Variants in TNIK observed in about 807,000 individuals in gnomAD.
TNIK encodes TRAF2 and NCK-interacting protein kinase.
A neutral mutation model predicts 191.3 loss-of-function variants in TNIK; 49 were observed. The ratio of observed to expected loss-of-function variants is 0.26; its 90% CI spans 0.20 to 0.32. The LOEUF (loss-of-function observed/expected upper bound fraction) is 0.32. Among genes scored for constraint, TNIK ranks in the 10% least tolerant of loss-of-function variants. TNIK has a pLI of 1.00. For synonymous variants in TNIK, 594 were observed against 600.9 expected, an observed-to-expected ratio of 0.99 and a Z score of 0.17; for missense variants, 1,155 against 1,702.3, an observed-to-expected ratio of 0.68 and a Z score of 5.66.
chr3:171,245,170 G>A (rs931712017), intron 2 of TNIK, among the ~76,000 whole-genome samples: 6 of 152,192 alleles, frequency 3.9e-5, no homozygotes, highest in Non-Finnish European at 7.4e-5. Context: ...GCTGTGTAGG[G>A]ACTTGGGCTC....
chr3:171,365,111 C>T (rs931404442), intron 2 of TNIK, among the ~76,000 whole-genome samples: 6 of 132,714 alleles, frequency 4.5e-5, no homozygotes, highest in African/African-American at 1.1e-4. Context: ...GGAGGAAGAA[C>T]GGAGAAATTT....
intron 4 of TNIK, among the ~76,000 whole-genome samples, 200 bp downstream of exon 4, chr3:171,210,916 G>T (rs1234177510): frequency 6.7e-6 from 1 of 149,612 alleles, no homozygotes; most frequent in Non-Finnish European, 1.5e-5. Context: ...TTAAGGGATA[G>T]AAGGAACATT....
At chr3:171,303,131 T>A (rs2108275963) in intron 2 of TNIK, among the ~76,000 whole-genome samples, 1 of 152,254 alleles carries the variant, frequency 6.6e-6, no homozygotes, top group East Asian at 1.9e-4. Context: ...ACGTAAAAAA[T>A]AATATTCCTC....
chr3:171,384,337 C>T (rs1176580977), intron 1 of TNIK, among the ~76,000 whole-genome samples: 2 of 152,242 alleles, frequency 1.3e-5, no homozygotes, highest in Non-Finnish European at 2.9e-5. Context: ...CACTTAATCT[C>T]TTAGAGCCAA....
At chr3:171,163,557 G>A (rs1734261929) in intron 10 of TNIK, among the ~76,000 whole-genome samples, 2 of 152,000 alleles carry the variant, frequency 1.3e-5, no homozygotes, top group African/African-American at 4.8e-5. Context: ...GAAGCTTTCA[G>A]GCTACTTATT....
intron 2 of TNIK, among the ~76,000 whole-genome samples, chr3:171,254,581 C>T (rs1430098253): frequency 2.0e-5 from 3 of 152,132 alleles, no homozygotes; most frequent in South Asian, 2.1e-4. Flanking sequence ...ATTAATAATC[C>T]TATAAGCCTC....
chr3:171,066,071 A>G (rs1718398248), intron 32 of TNIK, 116 bp downstream of exon 32: 8 of 1,341,282 alleles, frequency 6.0e-6, no homozygotes, highest in Non-Finnish European at 8.1e-6. Context: ...TCAAGATAAT[A>G]TTGATTGTTT....
At chr3:171,395,459 T>C (rs1720096918) in intron 1 of TNIK, among the ~76,000 whole-genome samples, 2 of 152,140 alleles carry the variant, frequency 1.3e-5, no homozygotes, top group Non-Finnish European at 2.9e-5. Context: ...ATTAATAACA[T>C]CTCTTCTCCA....
chr3:171,286,175 G>C (rs1750989813), intron 2 of TNIK, among the ~76,000 whole-genome samples: 1 of 152,192 alleles, frequency 6.6e-6, no homozygotes, highest in African/African-American at 2.4e-5. Context: ...AGAGACAAAA[G>C]ATTAGGTTAG....
intron 1 of TNIK, among the ~76,000 whole-genome samples, chr3:171,424,554 T>C (rs1380081335): frequency 6.6e-6 from 1 of 152,122 alleles, no homozygotes; most frequent in Admixed American, 6.5e-5. Context: ...TGCGGCACTA[T>C]TCACAATAGC....
chr3:171,421,661 T>C (rs1355908399), intron 1 of TNIK, among the ~76,000 whole-genome samples: 2 of 151,846 alleles, frequency 1.3e-5, no homozygotes, highest in African/African-American at 4.8e-5. Context: ...CAGGCTGGTT[T>C]GCTGGATAAA....
chr3:171,344,422 C>T (rs1711823926), intron 2 of TNIK, among the ~76,000 whole-genome samples: 1 of 152,112 alleles, frequency 6.6e-6, no homozygotes, highest in African/African-American at 2.4e-5. Flanking sequence ...ATGGTAGTAG[C>T]AGTGGGGTGT....
chr3:171,271,577 C>A (rs1161911546), intron 2 of TNIK, among the ~76,000 whole-genome samples: 4 of 152,200 alleles, frequency 2.6e-5, no homozygotes, highest in Non-Finnish European at 1.5e-5. Flanking sequence ...AAACACTTCT[C>A]AAAATTAATC....
At chr3:171,416,028 A>AAAAG (rs1164673223) in intron 1 of TNIK, among the ~76,000 whole-genome samples, 1 of 151,336 alleles carries the variant, frequency 6.6e-6, no homozygotes, top group East Asian at 1.9e-4. Flanking sequence ...AAGAAAAAGA[A>AAAAG]AAAGAAAGAA....
chr3:171,286,460 C>T (rs966691891), intron 2 of TNIK, among the ~76,000 whole-genome samples: 20 of 152,156 alleles, frequency 1.3e-4, no homozygotes, highest in Admixed American at 7.2e-4. Context: ...CATGGTGAAA[C>T]GCCATCTCTA....
At chr3:171,335,079 T>C (rs1756825544) in intron 2 of TNIK, among the ~76,000 whole-genome samples, 1 of 151,302 alleles carries the variant, frequency 6.6e-6, no homozygotes, top group Non-Finnish European at 1.5e-5. Flanking sequence ...ACTAGCAACC[T>C]TCTATTAGCT....
At chr3:171,280,600 T>A (rs61794364) in intron 2 of TNIK, among the ~76,000 whole-genome samples, 11 of 151,492 alleles carry the variant, frequency 7.3e-5, no homozygotes, top group African/African-American at 1.2e-4. Flanking sequence ...TTCCTGTTGA[T>A]ACCAACTTGA....
rs1015572995 is a variant in TNIK at position 171,348,732 on chromosome 3, G to A, written c.123+20888C>T. On this transcript the variant is annotated intron_variant, in intron 2 of 32. Coordinates refer to ENST00000436636, the MANE Select transcript of TNIK (RefSeq NM_015028.4). ...CCTACAACAGTCATACTACAGCACC[G>A]GGTAGTGCTTTCATTTGTGTTTGAG... is the stretch of plus-strand genomic sequence containing the variant. Among the ~76,000 whole-genome samples, 8 of 152,068 alleles carry A rather than the reference G, an allele frequency of 5.3e-5. 1 individual carries two copies. Among genetic ancestry groups the A allele is most frequent in the Admixed American group, 2.6e-4 (4 of 15,250 alleles).
chr3:171,102,111 C>T (rs1723671832), intron 21 of TNIK: 2 of 152,434 alleles, frequency 1.3e-5, no homozygotes, highest in Admixed American at 1.3e-4. Flanking sequence ...AGAGCAACTC[C>T]CAAGGTTCCA....
Sources: allele counts gnomAD v4.1 joint callset (sites outside exome capture counted in the v4.1 genomes callset), GRCh38; gene constraint gnomAD v4.1.1; transcripts MANE v1.5; gene names NCBI Gene and HGNC (gene_info 2026-07-23, HGNC 2026-07-21).